The following TAFA5 variants were observed in gnomAD, a reference collection of about 807,000 sequenced individuals.
The protein encoded by TAFA5 is TAFA chemokine like family member 5, also known as chemokine-like protein TAFA-5.
In TAFA5, 6 loss-of-function variants were observed where a neutral mutation model predicts 15.3. That is an observed-to-expected ratio of 0.39 (90% CI 0.21 to 0.77). The LOEUF is 0.77. TAFA5 is among the 30% of genes least tolerant of loss of function. TAFA5 has a pLI of 0.41. For synonymous variants in TAFA5, 103 were observed against 80.7 expected (o/e 1.28, Z -1.48); for missense variants, 161 against 193.1 (o/e 0.83, Z 0.98).
chr22:48,579,472 C>T (rs115715156), intron 1 of TAFA5, among the ~76,000 whole-genome samples: 1,657 of 152,198 alleles, frequency 0.011, 28 homozygotes, highest in African/African-American at 0.036. Flanking sequence ...AAGTGGGGGA[C>T]GAGGGCGGGA....
chr22:48,735,823 A>G (rs569827670), intron 3 of TAFA5, among the ~76,000 whole-genome samples: 15 of 140,782 alleles, frequency 1.1e-4, no homozygotes, highest in African/African-American at 3.3e-4. Context: ...TAGAGTCCAG[A>G]GTCCATCCCC....
intron 1 of TAFA5, among the ~76,000 whole-genome samples, chr22:48,616,047 T>C (rs975474683): frequency 6.6e-6 from 1 of 151,872 alleles, no homozygotes; most frequent in South Asian, 2.1e-4. Context: ...GGTGCAGGGG[T>C]CATCCTTTCC....
At chr22:48,596,430 C>T (rs745732234) in intron 1 of TAFA5, among the ~76,000 whole-genome samples, 1 of 152,216 alleles carries the variant, frequency 6.6e-6, no homozygotes, top group Non-Finnish European at 1.5e-5. Context: ...TCTCAATATT[C>T]TGTCAAGGGG....
In TAFA5 at chr22:48,655,754, T is replaced by C. The variant is rs964603555; in HGVS notation, c.262+9008T>C. On this transcript the variant is annotated intron_variant, in intron 2 of 3. Transcript: ENST00000402357. Reference sequence around the variant, plus strand: ...CAGGTCCCCTGAGCGCTCTGAGCTGTGGGCAGAGAAGCAGAGGAGGGACAG... The same window carrying C: ...CAGGTCCCCTGAGCGCTCTGAGCTGCGGGCAGAGAAGCAGAGGAGGGACAG... Among the ~76,000 whole-genome samples the C allele has an allele frequency of 1.5e-4, 23 of 148,944 alleles. 2 individuals carry two copies. The highest frequency in any genetic ancestry group is 1.3e-3 in the Admixed American group (19 of 14,772).
chr22:48,691,528 T>TGCAGCCTCGCGAGGAAC lies in TAFA5; in HGVS notation c.263-16181_263-16165dup, dbSNP rs536280469. Among the ~76,000 whole-genome samples the TGCAGCCTCGCGAGGAAC allele has an allele frequency of 3.8e-4, 58 of 152,264 alleles. No homozygotes were observed. In the East Asian group the frequency reaches 6.8e-3, roughly 18 times the overall value. On this transcript the variant is annotated intron_variant, in intron 2 of 3. Transcript: ENST00000402357. Reference sequence around the variant, plus strand: ...CTGTGTGCTGAGCACCCAGGGCAGATGCAGCCTCGCGAGGAACGCAGCCTG... The same window carrying TGCAGCCTCGCGAGGAAC: ...CTGTGTGCTGAGCACCCAGGGCAGATGCAGCCTCGCGAGGAACGCAGCCTCGCGAGGAACGCAGCCTG...
chr22:48,545,080 C>G, intron 1 of TAFA5: 1 of 356,370 alleles, frequency 2.8e-6, no homozygotes, highest in South Asian at 2.1e-5. Context: ...TTCACCATCT[C>G]CAGATGGATT....
At chr22:48,662,895 T>C (rs1233433518) in intron 2 of TAFA5, among the ~76,000 whole-genome samples, 1 of 152,126 alleles carries the variant, frequency 6.6e-6, no homozygotes, top group African/African-American at 2.4e-5. Flanking sequence ...AGGCTGCCTG[T>C]GGAAGGAAGC....
chr22:48,507,139 A>G, intron 1 of TAFA5, among the ~76,000 whole-genome samples: 1 of 149,622 alleles, frequency 6.7e-6, no homozygotes, highest in Non-Finnish European at 1.5e-5. Flanking sequence ...GGTGTGCAGT[A>G]GGAAGAGAAG....
At chr22:48,628,779 C>T (rs955570481) in intron 1 of TAFA5, among the ~76,000 whole-genome samples, 1 of 152,240 alleles carries the variant, frequency 6.6e-6, no homozygotes, top group Non-Finnish European at 1.5e-5. Context: ...CTGCTGCAAA[C>T]AGCTCCGCGG....
chr22:48,576,292 T>TC (rs994716407), intron 1 of TAFA5: 14 of 501,796 alleles, frequency 2.8e-5, no homozygotes, highest in African/African-American at 2.3e-5. Context: ...CCCGCTCCCC[T>TC]CCCCCCTGCC....
At chr22:48,537,844 C>A (rs1280049133) in intron 1 of TAFA5, among the ~76,000 whole-genome samples, 2 of 152,232 alleles carry the variant, frequency 1.3e-5, no homozygotes, top group Admixed American at 1.3e-4. Context: ...CCCTGTACCC[C>A]TGGTTTCCTG....
intron 1 of TAFA5, among the ~76,000 whole-genome samples, chr22:48,498,535 C>G (rs1166888252): frequency 6.6e-6 from 1 of 152,124 alleles, no homozygotes; most frequent in Non-Finnish European, 1.5e-5. Context: ...CTTTTGGCCT[C>G]TTTTTCTGGA....
chr22:48,697,593 T>TTGAGGATGGTGGTGG (rs1928755606), intron 2 of TAFA5, among the ~76,000 whole-genome samples: 1 of 113,852 alleles, frequency 8.8e-6, no homozygotes, highest in Non-Finnish European at 1.8e-5. Context: ...GACTGTGATG[T>TTGAGGATGGTGGTGG]TGAGGATGGT....
chr22:48,600,569 TG>T (rs1426332411), intron 1 of TAFA5, among the ~76,000 whole-genome samples: 5 of 9,426 alleles, frequency 5.3e-4, no homozygotes, highest in African/African-American at 2.9e-3. Flanking sequence ...TGTGATTTCG[TG>T]TGTGTGTGCA....
intron 1 of TAFA5, among the ~76,000 whole-genome samples, chr22:48,634,490 G>C (rs200152386): frequency 1.6e-5 from 1 of 64,474 alleles, no homozygotes; most frequent in African/African-American, 8.2e-5. Flanking sequence ...ATCACTCCTT[G>C]ACTCCTTTAC....
In TAFA5 at chr22:48,489,857, G is replaced by A. The variant is rs1928079276; in HGVS notation, c.112+153G>A. 6.6e-6 allele frequency among the ~76,000 whole-genome samples: 1 copy of A among 151,770 alleles called. No individual in the cohort carries two copies. The highest frequency in any genetic ancestry group is 1.5e-5 in the Non-Finnish European group (1 of 67,920). On this transcript the variant is annotated intron_variant, in intron 1 of 3. Transcript: ENST00000402357. This position sits in a 1 kb window ranked among gnomAD's most constrained non-coding sequence, Gnocchi z 5.5. ...CCCGAGTCCCGGCCGGTCCAACGCT[G>A]CGCTGGGCGGGCGAGAGGGTCCACC...
At chr22:48,726,788 T>G (rs187367832) in intron 3 of TAFA5, among the ~76,000 whole-genome samples, 185 of 152,324 alleles carry the variant, frequency 1.2e-3, no homozygotes, top group Non-Finnish European at 2.2e-3. Flanking sequence ...TATGGCATTT[T>G]CAAATAGCAC....
chr22:48,670,390 A>C (rs889059667), intron 2 of TAFA5, among the ~76,000 whole-genome samples: 1 of 152,242 alleles, frequency 6.6e-6, no homozygotes, highest in Non-Finnish European at 1.5e-5. Flanking sequence ...GGAGGACAGA[A>C]TGCTTAAGCA....
In TAFA5 at chr22:48,530,884, A is replaced by G. The variant is rs1185736022; in HGVS notation, c.112+41180A>G. Among the ~76,000 whole-genome samples the G allele has an allele frequency of 6.6e-6, 1 of 152,190 alleles. No homozygotes were observed. Among genetic ancestry groups the G allele is most frequent in the East Asian group, 1.9e-4 (1 of 5,166 alleles). ...AGAAATGTCCCTCGGGTTCCAAATG[A>G]AAGTGGCTGAGATGTCACAGTGACA... On this transcript the variant is annotated intron_variant, in intron 1 of 3. Coordinates refer to ENST00000402357, the MANE Select transcript of TAFA5 (RefSeq NM_001082967.3). This position sits in a 1 kb window ranked among gnomAD's most constrained non-coding sequence, Gnocchi z 6.0.
Sources: gnomAD v4.1 joint callset for allele counts (sites outside exome capture counted in the v4.1 genomes callset) on GRCh38, gnomAD v4.1.1 for gene constraint, Gnocchi (gnomAD v3.1) non-coding constraint, MANE v1.5 for transcripts, NCBI Gene and HGNC (gene_info 2026-07-23, HGNC 2026-07-21) for gene names.